Variants in DLC1 observed in about 807,000 individuals in gnomAD.
The protein encoded by DLC1 is rho GTPase-activating protein 7.
Under a neutral mutation model 140.3 loss-of-function variants are expected in DLC1, and 54 were observed. That is an observed-to-expected ratio of 0.38 (90% confidence interval 0.31 to 0.48). The LOEUF is 0.48. Among genes scored for constraint, DLC1 ranks in the 20% least tolerant of loss-of-function variants. The pLI, the probability that DLC1 is intolerant of heterozygous loss-of-function variation, is 0.96. For synonymous variants in DLC1, 986 were observed against 728.1 expected, an observed-to-expected ratio of 1.35 and a Z score of -5.70; for missense variants, 2,536 against 1,907.0, an observed-to-expected ratio of 1.33 and a Z score of -6.14.
chr8:13,312,386 A>AAAAAAAATAAT lies in DLC1; in HGVS notation c.1315-7085_1315-7084insATTATTTTTTT, dbSNP rs71207139. ...AAAAAAAAAAAAAAAAAAAAAAAAA[A>AAAAAAAATAAT]AATAATTTCTTTAGCAAGCTAGATA... is the stretch of plus-strand genomic sequence containing the variant. On this transcript the variant is annotated intron_variant, in intron 4 of 17. Transcript: ENST00000276297. 9.3e-4 allele frequency among the ~76,000 whole-genome samples: 76 copies of AAAAAAAATAAT among 81,700 alleles called. 3 individuals are homozygous for AAAAAAAATAAT. The highest frequency in any genetic ancestry group is 7.7e-3 in the Middle Eastern group (1 of 130). 53.6% of individuals were successfully genotyped at this position (81,700 alleles called of 152,430 possible).
intron 5 of DLC1, among the ~76,000 whole-genome samples, chr8:13,195,840 C>T (rs186503458): frequency 2.2e-4 from 34 of 151,944 alleles, no homozygotes; most frequent in East Asian, 9.7e-4. Flanking sequence ...CTTGGATTTT[C>T]GGAATCATTT....
intron 5 of DLC1, among the ~76,000 whole-genome samples, chr8:13,236,493 G>A (rs956334073): frequency 3.3e-5 from 5 of 152,040 alleles, no homozygotes; most frequent in African/African-American, 9.7e-5. Flanking sequence ...CCATATAGTC[G>A]TTTTACCCAT....
chr8:13,560,599 C>T (rs1185556214), intron 1 of DLC1, among the ~76,000 whole-genome samples: 1 of 152,188 alleles, frequency 6.6e-6, no homozygotes, highest in Non-Finnish European at 1.5e-5. Context: ...ACAAACTACA[C>T]TTCATGGGTT....
chr8:13,137,469 A>G (rs958913217), intron 5 of DLC1, among the ~76,000 whole-genome samples: 4 of 50 alleles, frequency 0.08, no homozygotes, highest in Non-Finnish European at 0.13. Flanking sequence ...TCATTTTGTT[A>G]TATGGGGGTG....
chr8:13,567,995 T>TTTC, intron 1 of DLC1: 1 of 1,477,094 alleles, frequency 6.8e-7, no homozygotes, highest in Non-Finnish European at 9.0e-7. Flanking sequence ...ATTACCATAA[T>TTTC]TTCTACAGGC....
chr8:13,361,837 G>C (rs1835241041), intron 4 of DLC1, among the ~76,000 whole-genome samples: 1 of 152,146 alleles, frequency 6.6e-6, no homozygotes, highest in South Asian at 2.1e-4. Flanking sequence ...TTCTTATTTA[G>C]TACATATATC....
At chr8:13,274,960 T>C (rs752551044) in intron 5 of DLC1, among the ~76,000 whole-genome samples, 1 of 152,208 alleles carries the variant, frequency 6.6e-6, no homozygotes, top group Non-Finnish European at 1.5e-5. Flanking sequence ...TAATTGCAAA[T>C]GAGATCATAC....
intron 7 of DLC1, among the ~76,000 whole-genome samples, chr8:13,104,922 T>C (rs986759842): frequency 1.3e-5 from 2 of 152,216 alleles, no homozygotes; most frequent in Admixed American, 6.5e-5. Flanking sequence ...GGGTATCAAT[T>C]ACTTAAATGA....
intron 2 of DLC1, among the ~76,000 whole-genome samples, chr8:13,431,833 A>G (rs1838892500): frequency 6.6e-6 from 1 of 152,142 alleles, no homozygotes; most frequent in Non-Finnish European, 1.5e-5. Flanking sequence ...ACAGCCTCCT[A>G]AAGCTGAGTA....
At chr8:13,194,385 T>C (rs756570866) in intron 5 of DLC1, among the ~76,000 whole-genome samples, 3 of 152,256 alleles carry the variant, frequency 2.0e-5, no homozygotes, top group Non-Finnish European at 4.4e-5. Context: ...ATATTGTTAC[T>C]GATCTCCTTG....
chr8:13,358,349 C>T (rs764546234), intron 4 of DLC1, among the ~76,000 whole-genome samples: 2 of 152,110 alleles, frequency 1.3e-5, no homozygotes, highest in Admixed American at 6.5e-5. Flanking sequence ...CGTTTTGTCA[C>T]CCCCAGGTTA....
rs1828016396 is a variant in DLC1 at position 13,212,938 on chromosome 8, T to A, written c.1348+92331A>T. 2.6e-5 allele frequency among the ~76,000 whole-genome samples: 4 copies of A among 152,202 alleles called. No individual in the cohort carries two copies. The South Asian group carries it at 8.3e-4, about 32-fold the overall frequency. On this transcript the variant is annotated intron_variant, in intron 5 of 17. Transcript: ENST00000276297. ...AATTTGCTTTACTGAAGGGCGCCGT[T>A]TAAATTTTTTATTTGTATCACTTTC...
chr8:13,259,854 T>C (rs773000285), intron 5 of DLC1, among the ~76,000 whole-genome samples: 4 of 151,812 alleles, frequency 2.6e-5, no homozygotes, highest in Non-Finnish European at 5.9e-5. Flanking sequence ...GGCTAAAATA[T>C]GAAATAGCAG....
At position 13,575,170 on chromosome 8, in the gene DLC1, A is replaced by G. The variant is rs990304537; in HGVS notation, c.-126+29367T>C. ...TTGCAAACTTACATCAAAGTGTCTT[A>G]TGCAATCATAAGCCCTGATTTTGAT... On this transcript the variant is annotated intron_variant, in intron 1 of 1. Transcript: ENST00000631382. Among the ~76,000 whole-genome samples, 7 of 152,326 alleles carry G rather than the reference A, an allele frequency of 4.6e-5. No homozygotes were observed. The South Asian group carries it at 8.3e-4, about 18-fold the overall frequency.
At chr8:13,436,682 AG>A (rs1183057530) in intron 2 of DLC1, among the ~76,000 whole-genome samples, 5 of 152,222 alleles carry the variant, frequency 3.3e-5, no homozygotes, top group African/African-American at 1.2e-4. Context: ...ATTTTCCCAG[AG>A]CTCTGCTCTA....
At chr8:13,451,787 C>T (rs1799070992) in intron 2 of DLC1, among the ~76,000 whole-genome samples, 1 of 152,148 alleles carries the variant, frequency 6.6e-6, no homozygotes, top group Non-Finnish European at 1.5e-5. Flanking sequence ...ACTTAGGTTG[C>T]TTCCAAATCT....
intron 1 of DLC1, among the ~76,000 whole-genome samples, chr8:13,597,766 C>G (rs544654224): frequency 6.6e-6 from 1 of 152,030 alleles, no homozygotes; most frequent in African/African-American, 2.4e-5. Context: ...ATCTTGCTAA[C>G]CCCTACTCAA....
At chr8:13,295,529 T>C (rs1831910720) in intron 5 of DLC1, among the ~76,000 whole-genome samples, 1 of 152,212 alleles carries the variant, frequency 6.6e-6, no homozygotes, top group Non-Finnish European at 1.5e-5. Flanking sequence ...GTTATGGTTG[T>C]TAATAACTCT....
chr8:13,107,116 T>A (rs533692504), intron 7 of DLC1, among the ~76,000 whole-genome samples: 24 of 152,332 alleles, frequency 1.6e-4, no homozygotes, highest in African/African-American at 5.8e-4. Context: ...ATGAACCCCT[T>A]GCAGTGTGAA....
Sources: gnomAD v4.1 joint callset for allele counts (sites outside exome capture counted in the v4.1 genomes callset) on GRCh38, gnomAD v4.1.1 for gene constraint, MANE v1.5 for transcripts, NCBI Gene and HGNC (gene_info 2026-07-23, HGNC 2026-07-21) for gene names.